The following GABRB1 variants were observed in gnomAD, a reference collection of about 807,000 sequenced individuals.
GABRB1 encodes gamma-aminobutyric acid type A receptor subunit beta1, also known as gamma-aminobutyric acid receptor subunit beta-1.
In GABRB1, 17 loss-of-function variants were observed where a neutral mutation model predicts 51.6. That is an observed-to-expected ratio of 0.33 (90% CI 0.23 to 0.49). GABRB1 has a LOEUF of 0.49. Ranked by LOEUF, GABRB1 falls within the 20% of genes least tolerant of loss-of-function variation. GABRB1 has a pLI of 0.99. For synonymous variants in GABRB1, 247 were observed against 218.9 expected (o/e 1.13, Z -1.14); for missense variants, 410 against 600.6 (o/e 0.68, Z 3.32).
intron 4 of GABRB1, among the ~76,000 whole-genome samples, chr4:47,294,691 A>G (rs1169185545): frequency 6.6e-6 from 1 of 152,248 alleles, no homozygotes; most frequent in Non-Finnish European, 1.5e-5. Flanking sequence ...ACAGACAAAC[A>G]AAAAGACAGC....
At chr4:47,342,866 A>G (rs139456985) in intron 5 of GABRB1, among the ~76,000 whole-genome samples, 257 of 152,270 alleles carry the variant, frequency 1.7e-3, no homozygotes, top group African/African-American at 5.9e-3. Flanking sequence ...ATGTAGAGAA[A>G]TGGATCAATT....
intron 4 of GABRB1, among the ~76,000 whole-genome samples, chr4:47,215,441 G>A (rs998364006): frequency 5.3e-5 from 8 of 151,940 alleles, no homozygotes; most frequent in South Asian, 2.1e-4. Flanking sequence ...TGTTTAAAGC[G>A]TTCAGGAAAC....
chr4:47,370,591 A>T (rs949569022), intron 5 of GABRB1, among the ~76,000 whole-genome samples: 11 of 152,152 alleles, frequency 7.2e-5, no homozygotes, highest in African/African-American at 1.9e-4. Flanking sequence ...AGGGTTTATG[A>T]TGAAAAAACT....
chr4:47,259,455 A>T (rs1335409272), intron 4 of GABRB1, among the ~76,000 whole-genome samples: 1 of 152,166 alleles, frequency 6.6e-6, no homozygotes, highest in East Asian at 1.9e-4. Context: ...TTTATAGTAT[A>T]CTTTTGCAGG....
chr4:47,079,259 G>A (rs183986917), intron 3 of GABRB1, among the ~76,000 whole-genome samples: 1 of 152,018 alleles, frequency 6.6e-6, no homozygotes, highest in African/African-American at 2.4e-5. Context: ...TTTTTGGTTG[G>A]TAAGCTATTA....
At chr4:47,008,028 G>A (rs1412431135) in intron 1 of GABRB1, among the ~76,000 whole-genome samples, 1 of 151,948 alleles carries the variant, frequency 6.6e-6, no homozygotes, top group Non-Finnish European at 1.5e-5. Flanking sequence ...TTGCCCTTAC[G>A]CATTATTGGT....
intron 4 of GABRB1, among the ~76,000 whole-genome samples, chr4:47,309,083 T>A (rs761490218): frequency 1.1e-4 from 17 of 152,130 alleles, no homozygotes; most frequent in Non-Finnish European, 1.8e-4. Flanking sequence ...AAATATGGTA[T>A]AAATTAAATG....
At chr4:47,272,054 A>G (rs1722894184) in intron 4 of GABRB1, among the ~76,000 whole-genome samples, 1 of 152,206 alleles carries the variant, frequency 6.6e-6, no homozygotes, top group African/African-American at 2.4e-5. Context: ...ATGGTCCATG[A>G]CACACATAAT....
At chr4:47,350,218 T>TATATATATATAGAGAGAGAGAGAGAG (rs750199965) in intron 5 of GABRB1, among the ~76,000 whole-genome samples, 1 of 56,638 alleles carries the variant, frequency 1.8e-5, no homozygotes, top group African/African-American at 8.1e-5. Flanking sequence ...TATATATATA[T>TATATATATATAGAGAGAGAGAGAGAG]AGAGAGAGAG....
chr4:47,117,643 G>A (rs1260192054), intron 3 of GABRB1, among the ~76,000 whole-genome samples: 2 of 152,120 alleles, frequency 1.3e-5, no homozygotes, highest in Non-Finnish European at 2.9e-5. Flanking sequence ...TGGTGTTAGG[G>A]TCTAGGAAAC....
intron 4 of GABRB1, among the ~76,000 whole-genome samples, chr4:47,174,459 C>G (rs894283656): frequency 6.6e-6 from 1 of 152,138 alleles, no homozygotes; most frequent in Non-Finnish European, 1.5e-5. Context: ...TACTTCAACT[C>G]TTGTAGATAC....
rs540677795 is a variant in GABRB1, at chr4:47,190,138, T to A, written c.461+28669T>A. Among the ~76,000 whole-genome samples, 4 of 152,260 alleles carry A rather than the reference T, an allele frequency of 2.6e-5. No individual in the cohort carries two copies. The East Asian group carries it at 7.7e-4, about 29-fold the overall frequency. ...TATCTGACTCCCTTAATCTTCTAGC[T>A]TTACCAGGTTTGGTGAATAGAACAA... On this transcript the variant is annotated intron_variant, in intron 4 of 8. Coordinates refer to ENST00000295454, the MANE Select transcript of GABRB1 (RefSeq NM_000812.4).
At chr4:47,270,545 A>G (rs944280413) in intron 4 of GABRB1, among the ~76,000 whole-genome samples, 1 of 152,176 alleles carries the variant, frequency 6.6e-6, no homozygotes, top group African/African-American at 2.4e-5. Context: ...AGAAAATTTG[A>G]CTAATCAAGT....
chr4:47,277,757 T>C (rs1416088115), intron 4 of GABRB1, among the ~76,000 whole-genome samples: 2 of 152,086 alleles, frequency 1.3e-5, no homozygotes, highest in African/African-American at 4.8e-5. Context: ...TGCAGGTATT[T>C]CAAAATTTTA....
chr4:47,131,890 A>G (rs1440603806), intron 3 of GABRB1, among the ~76,000 whole-genome samples: 1 of 152,188 alleles, frequency 6.6e-6, no homozygotes, highest in Non-Finnish European at 1.5e-5. Context: ...AGAGCAATAT[A>G]ATTTTTTTTT....
chr4:47,409,173 G>A (rs187514771), intron 8 of GABRB1, among the ~76,000 whole-genome samples: 119 of 152,236 alleles, frequency 7.8e-4, no homozygotes, highest in Middle Eastern at 3.4e-3. Context: ...GGGTGCCTGC[G>A]ACTCCCGAAG....
chr4:47,129,389 TA>T (rs1441004676), intron 3 of GABRB1, among the ~76,000 whole-genome samples: 1 of 152,150 alleles, frequency 6.6e-6, no homozygotes, highest in Non-Finnish European at 1.5e-5. Context: ...ACTGTCACCT[TA>T]AAAAACAAAG....
intron 4 of GABRB1, among the ~76,000 whole-genome samples, chr4:47,244,243 G>A (rs1354191016): frequency 7.2e-5 from 11 of 152,244 alleles, no homozygotes; most frequent in South Asian, 2.1e-4. Context: ...CAACTTGATC[G>A]TGGTGCATAA....
At chr4:47,152,916 C>A (rs762171208) in intron 3 of GABRB1, among the ~76,000 whole-genome samples, 10 of 151,986 alleles carry the variant, frequency 6.6e-5, no homozygotes, top group Non-Finnish European at 1.3e-4. Flanking sequence ...ATTCTCTAGG[C>A]TAATGCAAGC....
Sources: gnomAD v4.1 joint callset for allele counts (sites outside exome capture counted in the v4.1 genomes callset) on GRCh38, gnomAD v4.1.1 for gene constraint, MANE v1.5 for transcripts, NCBI Gene and HGNC (gene_info 2026-07-23, HGNC 2026-07-21) for gene names.